Variants in SNCAIP observed in about 807,000 individuals in gnomAD.
SNCAIP encodes synphilin-1.
Under a neutral mutation model 86.7 loss-of-function variants are expected in SNCAIP, and 43 were observed. The ratio of observed to expected loss-of-function variants is 0.50; its 90% CI spans 0.39 to 0.64. The LOEUF (loss-of-function observed/expected upper bound fraction) is 0.64, where lower values mean the gene tolerates loss of function less well. Ranked by LOEUF, SNCAIP falls within the 30% of genes least tolerant of loss-of-function variation. SNCAIP has a pLI of 0.00. For missense variants in SNCAIP, 981 were observed against 1,103.1 expected (o/e 0.89, Z 1.57); for synonymous variants, 417 against 427.2 (o/e 0.98, Z 0.29).
intron 10 of SNCAIP, among the ~76,000 whole-genome samples, chr5:122,457,313 T>C (rs1488276133): frequency 1.3e-5 from 2 of 152,146 alleles, no homozygotes; most frequent in Non-Finnish European, 2.9e-5. Flanking sequence ...TGTAGTTTCA[T>C]GTTCTAAGCC....
chr5:122,355,693 C>T (rs528033814), intron 1 of SNCAIP, among the ~76,000 whole-genome samples: 20 of 152,290 alleles, frequency 1.3e-4, no homozygotes, highest in African/African-American at 4.6e-4. Context: ...CATTGTCAGG[C>T]CTAGACTCAC....
At chr5:122,353,774 C>A (rs1447038963) in intron 1 of SNCAIP, among the ~76,000 whole-genome samples, 7 of 152,140 alleles carry the variant, frequency 4.6e-5, no homozygotes, top group African/African-American at 1.7e-4. Context: ...AACTGTAAGT[C>A]CATTAAACCT....
intron 1 of SNCAIP, among the ~76,000 whole-genome samples, chr5:122,382,999 G>T (rs1055110531): frequency 6.6e-6 from 1 of 152,222 alleles, no homozygotes; most frequent in African/African-American, 2.4e-5. Flanking sequence ...CTTTTTGTCT[G>T]TCTGTGCCCT....
chr5:122,423,053 C>G lies in SNCAIP; in HGVS notation c.316C>G (p.Gln106Glu). 6.2e-7 allele frequency: 1 copy of G among 1,614,028 alleles called. No homozygotes were observed. The highest frequency in any genetic ancestry group is 1.1e-5 in the South Asian group (1 of 91,076). Residue 106 changes from glutamine (Q) to glutamate (E), a missense_variant, in exon 4 of 11, where the codon CAG (glutamine) becomes GAG (glutamate). Physicochemically the swap from Gln to Glu is conservative, Grantham distance 29 (BLOSUM62 2). Transcript: ENST00000261368. ...AAAGAACCAGAAAGTGGTTGAGTAC[C>G]AGAAAGGGGGTGAGTCTGACCTGGG... ...DQKNQKVVEY[Q>E]KGGESDLGPQ...
chr5:122,379,112 C>G (rs1198046686), intron 1 of SNCAIP, among the ~76,000 whole-genome samples: 7 of 83,694 alleles, frequency 8.4e-5, no homozygotes, highest in Admixed American at 8.3e-4. Context: ...GGCATTGAAT[C>G]TGTAAATTAC....
intron 1 of SNCAIP, among the ~76,000 whole-genome samples, chr5:122,376,827 T>A (rs1407192741): frequency 6.6e-6 from 1 of 152,160 alleles, no homozygotes; most frequent in Non-Finnish European, 1.5e-5. Context: ...GTAAAATTGG[T>A]CAGGACTGTC....
At chr5:122,406,458 G>A (rs539812631) in intron 3 of SNCAIP, among the ~76,000 whole-genome samples, 38 of 152,234 alleles carry the variant, frequency 2.5e-4, no homozygotes, top group African/African-American at 8.9e-4. Flanking sequence ...TACCTGATAT[G>A]GTTTGGATCT....
At chr5:122,336,236 C>T (rs995391441) in intron 1 of SNCAIP, among the ~76,000 whole-genome samples, 1 of 152,150 alleles carries the variant, frequency 6.6e-6, no homozygotes, top group Non-Finnish European at 1.5e-5. Context: ...GAGACACTTT[C>T]AGTCTTATGT....
At chr5:122,420,700 C>T (rs1323814951) in intron 3 of SNCAIP, among the ~76,000 whole-genome samples, 3 of 151,964 alleles carry the variant, frequency 2.0e-5, no homozygotes, top group African/African-American at 7.3e-5. Flanking sequence ...AAATAAGTAA[C>T]CATGTGTTCT....
At chr5:122,386,623 G>C (rs1174956517) in intron 1 of SNCAIP, among the ~76,000 whole-genome samples, 2 of 152,066 alleles carry the variant, frequency 1.3e-5, no homozygotes, top group African/African-American at 4.8e-5. Context: ...TCCAAAGAAG[G>C]GAGCCAAGCT....
chr5:122,417,670 C>CCTTCCTTCCCTCCTTT, intron 3 of SNCAIP, among the ~76,000 whole-genome samples: 1 of 152,124 alleles, frequency 6.6e-6, no homozygotes, highest in East Asian at 1.9e-4. Flanking sequence ...CTTCCTCCTT[C>CCTTCCTTCCCTCCTTT]CTTCCTTCCC....
At chr5:122,315,409 T>A (rs908139491) in intron 1 of SNCAIP, among the ~76,000 whole-genome samples, 1 of 152,170 alleles carries the variant, frequency 6.6e-6, no homozygotes, top group Non-Finnish European at 1.5e-5. Flanking sequence ...AAAGCAACTT[T>A]AAAACCTCAC....
intron 3 of SNCAIP, among the ~76,000 whole-genome samples, chr5:122,415,380 C>G (rs897306677): frequency 5.3e-5 from 8 of 152,204 alleles, no homozygotes; most frequent in Non-Finnish European, 1.0e-4. Flanking sequence ...CACAGACTCA[C>G]CACTTTGTTT....
At chr5:122,395,347 GAA>G (rs1770378445) in intron 2 of SNCAIP, among the ~76,000 whole-genome samples, 1 of 152,092 alleles carries the variant, frequency 6.6e-6, no homozygotes, top group South Asian at 2.1e-4. Context: ...AGAAGTGAGA[GAA>G]ATATTCTGTT....
chr5:122,375,177 G>GA (rs1218123375), intron 1 of SNCAIP, among the ~76,000 whole-genome samples: 28 of 151,926 alleles, frequency 1.8e-4, no homozygotes, highest in Middle Eastern at 6.8e-3. Context: ...CTTTTCTTCA[G>GA]AAAAAAGGAT....
Position 122,327,019 on chromosome 5 carries a change from C to T in SNCAIP, c.-47+14735C>T, listed in dbSNP as rs143335555. On this transcript the variant is annotated intron_variant, in intron 1 of 10. Coordinates refer to ENST00000261368, the MANE Select transcript of SNCAIP (RefSeq NM_005460.4). Reference sequence around the variant, plus strand: ...TGGAGGAGATACTAGATCAAAGTACCGTAATGATCTCCCAGTTGATCCAAG... The same window carrying T: ...TGGAGGAGATACTAGATCAAAGTACTGTAATGATCTCCCAGTTGATCCAAG... Among the ~76,000 whole-genome samples, 18 of 151,098 alleles carry T rather than the reference C, an allele frequency of 1.2e-4. No individual in the cohort carries two copies. The East Asian group carries it at 1.4e-3, about 11-fold the overall frequency.
chr5:122,452,942 C>A (rs1784007365), intron 10 of SNCAIP: 1 of 1,548,152 alleles, frequency 6.5e-7, no homozygotes, highest in African/African-American at 1.4e-5. Flanking sequence ...ACAGCAGCTG[C>A]ATCAATCTTT....
chr5:122,374,427 A>G (rs2037399442), intron 1 of SNCAIP, among the ~76,000 whole-genome samples: 1 of 152,180 alleles, frequency 6.6e-6, no homozygotes, highest in African/African-American at 2.4e-5. Context: ...GTGGTGCCAA[A>G]GAGGAAAAAC....
intron 3 of SNCAIP, among the ~76,000 whole-genome samples, chr5:122,409,083 G>A (rs986283766): frequency 6.7e-6 from 1 of 150,258 alleles, no homozygotes; most frequent in African/African-American, 2.5e-5. Flanking sequence ...AGGAAGTTAT[G>A]TGTAAAAAAA....
Sources: allele counts gnomAD v4.1 joint callset (sites outside exome capture counted in the v4.1 genomes callset), GRCh38; gene constraint gnomAD v4.1.1; transcripts MANE v1.5; gene names NCBI Gene and HGNC (gene_info 2026-07-23, HGNC 2026-07-21).